The following NCKAP5 variants were observed in gnomAD, a reference collection of about 807,000 sequenced individuals.
The protein encoded by NCKAP5 is nck-associated protein 5.
NCKAP5 carries 92 observed loss-of-function variants against 167.0 expected under a neutral mutation model. The ratio of observed to expected loss-of-function variants is 0.55; its 90% CI spans 0.47 to 0.66. NCKAP5 has a LOEUF of 0.66. Among genes scored for constraint, NCKAP5 ranks in the 30% least tolerant of loss-of-function variants. The pLI is 0.00. For missense variants in NCKAP5, 2,378 were observed against 2,315.0 expected, an observed-to-expected ratio of 1.03 and a Z score of -0.56; for synonymous variants, 891 against 877.4, an observed-to-expected ratio of 1.02 and a Z score of -0.27.
At chr2:133,223,129 A>G (rs944413315) in intron 4 of NCKAP5, among the ~76,000 whole-genome samples, 1 of 152,022 alleles carries the variant, frequency 6.6e-6, no homozygotes, top group African/African-American at 2.4e-5. Flanking sequence ...TTTTGTTGTC[A>G]GTTAACAACC....
At chr2:133,181,413 C>T (rs2084727086) in intron 5 of NCKAP5, among the ~76,000 whole-genome samples, 3 of 151,410 alleles carry the variant, frequency 2.0e-5, no homozygotes, top group South Asian at 2.1e-4. Context: ...AAATGAAAAA[C>T]GGAGGGAAAA....
At chr2:133,398,938 T>C (rs1687922723) in intron 3 of NCKAP5, among the ~76,000 whole-genome samples, 1 of 152,010 alleles carries the variant, frequency 6.6e-6, no homozygotes, top group Admixed American at 6.6e-5. Flanking sequence ...GGGAAGTTTA[T>C]AAAGTGGAGC....
At chr2:133,034,419 C>A (rs1192534578) in intron 6 of NCKAP5, among the ~76,000 whole-genome samples, 1 of 152,046 alleles carries the variant, frequency 6.6e-6, no homozygotes, top group Non-Finnish European at 1.5e-5. Flanking sequence ...AAATAGTCAT[C>A]TGAAGGTACA....
At chr2:133,274,738 T>A (rs139759575) in intron 4 of NCKAP5, among the ~76,000 whole-genome samples, 10 of 151,636 alleles carry the variant, frequency 6.6e-5, no homozygotes, top group African/African-American at 1.7e-4. Flanking sequence ...TGGGGAAGGA[T>A]TACTGTCAAA....
At chr2:133,203,004 T>C (rs1196598599) in intron 5 of NCKAP5, among the ~76,000 whole-genome samples, 1 of 152,052 alleles carries the variant, frequency 6.6e-6, no homozygotes, top group Admixed American at 6.6e-5. Flanking sequence ...GATCTAGAAC[T>C]AGAAACACCA....
chr2:133,029,108 T>C (rs2078793541), intron 6 of NCKAP5, among the ~76,000 whole-genome samples: 1 of 152,152 alleles, frequency 6.6e-6, no homozygotes, highest in Non-Finnish European at 1.5e-5. Context: ...TATTTCTTCA[T>C]AGGAATGCAA....
intron 4 of NCKAP5, among the ~76,000 whole-genome samples, chr2:133,257,223 G>C (rs2088661509): frequency 6.6e-6 from 1 of 152,144 alleles, no homozygotes; most frequent in African/African-American, 2.4e-5. Flanking sequence ...GGTTTTCAAG[G>C]CCATGTGAAG....
chr2:132,974,401 C>T (rs1201157430), intron 7 of NCKAP5, among the ~76,000 whole-genome samples: 1 of 152,114 alleles, frequency 6.6e-6, no homozygotes, highest in Non-Finnish European at 1.5e-5. Context: ...AATAACGATT[C>T]ATATTTGTAT....
chr2:133,455,174 G>T (rs950249566), intron 3 of NCKAP5, among the ~76,000 whole-genome samples: 2 of 151,980 alleles, frequency 1.3e-5, no homozygotes, highest in African/African-American at 2.4e-5. Context: ...AAGATGAAAG[G>T]CTCCACAATT....
At chr2:133,185,139 A>G (rs1437259685) in intron 5 of NCKAP5, among the ~76,000 whole-genome samples, 1 of 152,128 alleles carries the variant, frequency 6.6e-6, no homozygotes, top group Non-Finnish European at 1.5e-5. Flanking sequence ...ATTTCTGTAT[A>G]GGATGAGAGC....
intron 3 of NCKAP5, among the ~76,000 whole-genome samples, chr2:133,460,641 G>C (rs758375298): frequency 3.9e-5 from 6 of 152,110 alleles, no homozygotes; most frequent in Non-Finnish European, 7.4e-5. Flanking sequence ...CATTTAACTA[G>C]AATTGTCAGG....
At chr2:133,155,668 A>T (rs1269087634) in intron 5 of NCKAP5, among the ~76,000 whole-genome samples, 1 of 152,230 alleles carries the variant, frequency 6.6e-6, no homozygotes, top group African/African-American at 2.4e-5. Context: ...GTAGACTTGT[A>T]GACTTTGAGT....
At chr2:133,189,838 C>G (rs949683395) in intron 5 of NCKAP5, among the ~76,000 whole-genome samples, 7 of 152,132 alleles carry the variant, frequency 4.6e-5, no homozygotes, top group Non-Finnish European at 7.4e-5. Flanking sequence ...GCAAAAACTG[C>G]AAGTATTCCC....
intron 3 of NCKAP5, among the ~76,000 whole-genome samples, chr2:133,396,947 A>G (rs2151008084): frequency 6.6e-6 from 1 of 152,368 alleles, no homozygotes; most frequent in South Asian, 2.1e-4. Context: ...TGCGTGAGAT[A>G]GAGATAAAAT....
chr2:133,126,961 T>C (rs2082423334), intron 6 of NCKAP5, among the ~76,000 whole-genome samples: 2 of 152,202 alleles, frequency 1.3e-5, no homozygotes, highest in Non-Finnish European at 2.9e-5. Flanking sequence ...GTTATTAGCT[T>C]AGTTTTTAAA....
At chr2:133,597,673 CAAAAAAAAAAAA>C in the NCKAP5 span, among the ~76,000 whole-genome samples, 9 of 61,126 alleles carry the variant, frequency 1.5e-4, no homozygotes, top group African/African-American at 3.3e-4. Flanking sequence ...GACTCTGTCT[CAAAAAAAAAAAA>C]AAAAAAAAAA....
chr2:133,037,558 T>A (rs1314726975), intron 6 of NCKAP5, among the ~76,000 whole-genome samples: 1 of 152,106 alleles, frequency 6.6e-6, no homozygotes, highest in Non-Finnish European at 1.5e-5. Flanking sequence ...AAAAACTGTG[T>A]CTTCAATAAA....
At chr2:132,860,713 T>C (rs1689830709) in intron 10 of NCKAP5, 102 bp from the exon 11 acceptor site, 2 of 1,349,968 alleles carry the variant, frequency 1.5e-6, no homozygotes, top group Non-Finnish European at 2.0e-6. Flanking sequence ...TAAAAAACGG[T>C]ATTTTTATTC....
intron 8 of NCKAP5, among the ~76,000 whole-genome samples, chr2:132,906,607 GC>G (rs1240601222): frequency 1.3e-5 from 2 of 152,158 alleles, no homozygotes; most frequent in African/African-American, 4.8e-5. Context: ...GCTTGAGAGA[GC>G]CCAACCTTGC....
Sources: allele counts gnomAD v4.1 joint callset (sites outside exome capture counted in the v4.1 genomes callset), GRCh38; gene constraint gnomAD v4.1.1; transcripts MANE v1.5; gene names NCBI Gene and HGNC (gene_info 2026-07-23, HGNC 2026-07-21).